Variants in TRHDE observed in about 807,000 individuals in gnomAD.
TRHDE encodes thyrotropin releasing hormone degrading enzyme.
A neutral mutation model predicts 125.7 loss-of-function variants in TRHDE; 72 were observed. That is an observed-to-expected ratio of 0.57 (90% CI 0.47 to 0.70). The LOEUF is 0.70. Among genes scored for constraint, TRHDE ranks in the 30% least tolerant of loss-of-function variants. TRHDE has a pLI of 0.00. For synonymous variants in TRHDE, 509 were observed against 509.1 expected (o/e 1.00, Z 0.00); for missense variants, 1,110 against 1,327.1 (o/e 0.84, Z 2.54).
intron 2 of TRHDE, among the ~76,000 whole-genome samples, chr12:72,173,999 C>T (rs568529484): frequency 1.4e-4 from 21 of 152,234 alleles, no homozygotes; most frequent in African/African-American, 4.6e-4. Context: ...TCAAGAGAAC[C>T]GGTCTATTTC....
At chr12:72,507,352 G>A (rs1878397122) in intron 6 of TRHDE, among the ~76,000 whole-genome samples, 1 of 152,228 alleles carries the variant, frequency 6.6e-6, no homozygotes, top group South Asian at 2.1e-4. Flanking sequence ...ACGTGGGAAA[G>A]TTTGGAACTC....
intron 6 of TRHDE, among the ~76,000 whole-genome samples, chr12:72,501,890 G>A (rs141176130): frequency 1.4e-4 from 21 of 152,012 alleles, no homozygotes; most frequent in Non-Finnish European, 2.1e-4. Flanking sequence ...ATTTTAATGC[G>A]AGCATTGGTA....
At position 72,365,208 on chromosome 12, in the gene TRHDE, A is replaced by G. The variant is rs1044922870; in HGVS notation, c.1189-12787A>G. On this transcript the variant is annotated intron_variant, in intron 2 of 18. Coordinates refer to ENST00000261180, the MANE Select transcript of TRHDE (RefSeq NM_013381.3). ...AAATAGATTTAAGGAAACATGATACATATTTTCCCTGTGTGTTAGGCTTCT... is the reference window on the plus strand; with the variant it reads ...AAATAGATTTAAGGAAACATGATACGTATTTTCCCTGTGTGTTAGGCTTCT... Among the ~76,000 whole-genome samples, 7 of 152,158 alleles carry G rather than the reference A, an allele frequency of 4.6e-5. No individual in the cohort carries two copies. The South Asian group carries it at 1.0e-3, about 23-fold the overall frequency.
At chr12:72,452,615 C>T (rs1875634729) in intron 3 of TRHDE, among the ~76,000 whole-genome samples, 1 of 151,996 alleles carries the variant, frequency 6.6e-6, no homozygotes, top group South Asian at 2.1e-4. Flanking sequence ...TGAGTTCCTG[C>T]CCAAATCTCA....
intron 15 of TRHDE, among the ~76,000 whole-genome samples, chr12:72,632,367 G>A (rs184190171): frequency 7.7e-4 from 117 of 152,000 alleles, no homozygotes; most frequent in African/African-American, 2.7e-3. Flanking sequence ...TTCATAGTCA[G>A]GATGGAGCAG....
chr12:72,285,813 C>T (rs1331801943), intron 1 of TRHDE, among the ~76,000 whole-genome samples: 12 of 152,046 alleles, frequency 7.9e-5, no homozygotes, highest in Non-Finnish European at 1.5e-4. Context: ...GCCACCATGC[C>T]GGGCTGAAGA....
Position 72,235,476 on chromosome 12 carries a change from C to T in TRHDE, n.279+129724C>T, listed in dbSNP as rs117803525. ...ACAGTCTGCACTCTTAACCATACTA[C>T]GCTAAGGCAGCCTGTCTTTATCAGT... On this transcript the variant is annotated intron_variant and non_coding_transcript_variant, in intron 2 of 4. Coordinates refer to the TRHDE transcript ENST00000548156. Among the ~76,000 whole-genome samples, 716 of 152,286 alleles carry T rather than the reference C, an allele frequency of 4.7e-3. 6 individuals carry two copies. Among genetic ancestry groups the T allele is most frequent in the Middle Eastern group, 0.014 (4 of 294 alleles).
At chr12:72,340,618 G>A (rs759335351) in intron 2 of TRHDE, among the ~76,000 whole-genome samples, 38 of 152,108 alleles carry the variant, frequency 2.5e-4, no homozygotes, top group East Asian at 3.9e-4. Flanking sequence ...TTGTCCTGCC[G>A]TGGGTGGCTT....
At chr12:72,169,925 G>A (rs1415386971) in intron 2 of TRHDE, among the ~76,000 whole-genome samples, 1 of 152,028 alleles carries the variant, frequency 6.6e-6, no homozygotes, top group Non-Finnish European at 1.5e-5. Context: ...CGGACTTTGG[G>A]GTTAGATCTT....
intron 2 of TRHDE, among the ~76,000 whole-genome samples, chr12:72,232,037 T>A (rs1878256801): frequency 6.6e-6 from 1 of 152,050 alleles, no homozygotes; most frequent in African/African-American, 2.4e-5. Context: ...AAAATGTACT[T>A]GGGATTTTGG....
chr12:72,653,260 A>C, intron 17 of TRHDE, 104 bp downstream of exon 17: 1 of 812,378 alleles, frequency 1.2e-6, no homozygotes. Context: ...ATAGGTTTAG[A>C]TATTAAAATA....
chr12:72,363,469 C>A (rs368783426), intron 2 of TRHDE, among the ~76,000 whole-genome samples: 3 of 151,966 alleles, frequency 2.0e-5, no homozygotes, highest in South Asian at 2.1e-4. Flanking sequence ...GTTCAATATA[C>A]GCAAATCAAT....
At chr12:72,310,991 A>G (rs1868516376) in intron 2 of TRHDE, among the ~76,000 whole-genome samples, 2 of 152,106 alleles carry the variant, frequency 1.3e-5, no homozygotes, top group Non-Finnish European at 2.9e-5. Context: ...TTTTCCAATT[A>G]GTTTTTATTA....
chr12:72,376,863 T>C (rs1008329081), intron 2 of TRHDE, among the ~76,000 whole-genome samples: 6 of 150,900 alleles, frequency 4.0e-5, no homozygotes, highest in African/African-American at 1.5e-4. Context: ...TTCTATATAC[T>C]GAGTAAACCA....
At chr12:72,224,090 C>CTAT (rs1878057115) in intron 2 of TRHDE, among the ~76,000 whole-genome samples, 5 of 27,316 alleles carry the variant, frequency 1.8e-4, no homozygotes, top group South Asian at 2.5e-3. Context: ...ATCTATCTAT[C>CTAT]CATCTATCTA....
At chr12:72,165,852 T>C (rs1258419644) in intron 2 of TRHDE, among the ~76,000 whole-genome samples, 1 of 152,084 alleles carries the variant, frequency 6.6e-6, no homozygotes, top group Non-Finnish European at 1.5e-5. Context: ...TTTTTTTGTA[T>C]TTTTAGTAGG....
chr12:72,244,665 A>T (rs962300889), intron 2 of TRHDE, among the ~76,000 whole-genome samples: 22 of 152,130 alleles, frequency 1.4e-4, no homozygotes, highest in African/African-American at 5.3e-4. Context: ...AATTAAGTTT[A>T]TATACATATT....
chr12:72,230,037 G>A (rs1444922089), intron 2 of TRHDE, among the ~76,000 whole-genome samples: 3 of 152,104 alleles, frequency 2.0e-5, no homozygotes, highest in Non-Finnish European at 2.9e-5. Flanking sequence ...GAGGGTCTCT[G>A]GTCTGCCACC....
At chr12:72,424,181 T>A (rs1298071256) in intron 3 of TRHDE, among the ~76,000 whole-genome samples, 1 of 152,128 alleles carries the variant, frequency 6.6e-6, no homozygotes, top group Non-Finnish European at 1.5e-5. Context: ...GGTGGGATCT[T>A]CCCTTGCCTC....
Sources: gnomAD v4.1 joint callset for allele counts (sites outside exome capture counted in the v4.1 genomes callset) on GRCh38, gnomAD v4.1.1 for gene constraint, MANE v1.5 for transcripts, NCBI Gene and HGNC (gene_info 2026-07-23, HGNC 2026-07-21) for gene names.